The following GPC6 variants were observed in gnomAD, a reference collection of about 807,000 sequenced individuals.
GPC6 encodes glypican-6.
Under a neutral mutation model 55.2 loss-of-function variants are expected in GPC6, and 14 were observed. The ratio of observed to expected loss-of-function variants is 0.25; its 90% CI spans 0.17 to 0.40. The LOEUF is 0.40. GPC6 is among the 10% of genes least tolerant of loss of function. The probability of loss-of-function intolerance (pLI) is 1.00; values close to 1 mark genes in which losing one functional copy is unlikely to be tolerated. For synonymous variants in GPC6, 278 were observed against 259.6 expected, an observed-to-expected ratio of 1.07 and a Z score of -0.68; for missense variants, 641 against 708.5, an observed-to-expected ratio of 0.90 and a Z score of 1.08.
chr13:93,969,682 A>G (rs975072124), intron 3 of GPC6, among the ~76,000 whole-genome samples: 2 of 152,260 alleles, frequency 1.3e-5, no homozygotes, highest in Admixed American at 6.5e-5. Context: ...TTCAATGGTC[A>G]TAAATACATT....
chr13:93,560,769 A>G (rs1185520596), intron 2 of GPC6, among the ~76,000 whole-genome samples: 2 of 147,720 alleles, frequency 1.4e-5, no homozygotes, highest in African/African-American at 2.5e-5. Context: ...CCGCCTCCAA[A>G]AAAAAAAAAA....
rs575888250 is a variant in GPC6 at position 93,751,084 on chromosome 13, A to G, written c.320-79070A>G. Among the ~76,000 whole-genome samples the G allele has an allele frequency of 3.9e-5, 6 of 152,306 alleles. No homozygotes were observed. The South Asian group carries it at 1.0e-3, about 26-fold the overall frequency. On this transcript the variant is annotated intron_variant, in intron 2 of 8. Coordinates refer to ENST00000377047, the MANE Select transcript of GPC6 (RefSeq NM_005708.5). ...TTGGATCCTCATCTGTAGAGTGAGGAGTACAGAGTTGGCTACTTTGCAAGA... is the reference window on the plus strand; with the variant it reads ...TTGGATCCTCATCTGTAGAGTGAGGGGTACAGAGTTGGCTACTTTGCAAGA...
intron 4 of GPC6, among the ~76,000 whole-genome samples, chr13:94,222,535 T>C (rs936181400): frequency 2.0e-5 from 3 of 152,052 alleles, no homozygotes; most frequent in African/African-American, 7.2e-5. Flanking sequence ...CTTACCTGCA[T>C]TGATGACTCA....
intron 2 of GPC6, among the ~76,000 whole-genome samples, chr13:93,549,272 AG>A (rs1376349746): frequency 6.6e-6 from 1 of 152,160 alleles, no homozygotes; most frequent in Non-Finnish European, 1.5e-5. Flanking sequence ...AACGTAGACA[AG>A]GGGAGAGTCA....
At chr13:93,744,599 T>C (rs546977377) in intron 2 of GPC6, among the ~76,000 whole-genome samples, 3 of 133,262 alleles carry the variant, frequency 2.3e-5, no homozygotes, top group Admixed American at 8.8e-5. Context: ...AAAAATAGGG[T>C]GTTGTCACCT....
intron 4 of GPC6, among the ~76,000 whole-genome samples, chr13:94,035,879 G>C (rs2138732207): frequency 6.6e-6 from 1 of 152,044 alleles, no homozygotes; most frequent in South Asian, 2.1e-4. Flanking sequence ...TGCTAATCAT[G>C]TCTTTATATT....
intron 2 of GPC6, among the ~76,000 whole-genome samples, chr13:93,749,128 TC>T (rs1884496174): frequency 6.6e-6 from 1 of 152,028 alleles, no homozygotes; most frequent in African/African-American, 2.4e-5. Context: ...ACACATTGGA[TC>T]CCATTTTCCA....
intron 3 of GPC6, among the ~76,000 whole-genome samples, chr13:93,990,722 A>C (rs1169591481): frequency 2.0e-5 from 3 of 151,304 alleles, no homozygotes; most frequent in African/African-American, 7.3e-5. Flanking sequence ...TTAATTAGCC[A>C]AGCATGATGG....
chr13:94,057,506 A>T (rs1307925333), intron 4 of GPC6, among the ~76,000 whole-genome samples: 1 of 152,162 alleles, frequency 6.6e-6, no homozygotes, highest in Non-Finnish European at 1.5e-5. Flanking sequence ...TAAGTAGCAT[A>T]AGGTGAAAGA....
chr13:93,930,593 C>T (rs879579668), intron 3 of GPC6, among the ~76,000 whole-genome samples: 2 of 152,004 alleles, frequency 1.3e-5, no homozygotes, highest in East Asian at 1.9e-4. Flanking sequence ...TTTTACAATA[C>T]AGTACAATAT....
chr13:93,246,396 T>C (rs941859160), intron 1 of GPC6, among the ~76,000 whole-genome samples: 10 of 123,346 alleles, frequency 8.1e-5, no homozygotes, highest in Non-Finnish European at 1.5e-4. Flanking sequence ...TCCACAGAAT[T>C]TGAAGGAACT....
intron 6 of GPC6, among the ~76,000 whole-genome samples, chr13:94,378,534 T>G (rs1880007885): frequency 6.6e-6 from 1 of 152,168 alleles, no homozygotes; most frequent in Non-Finnish European, 1.5e-5. Context: ...TAGAGTCAAG[T>G]GTTCATGGTC....
intron 1 of GPC6, among the ~76,000 whole-genome samples, chr13:93,496,067 T>G (rs1001058619): frequency 5.9e-5 from 9 of 152,084 alleles, no homozygotes; most frequent in Admixed American, 2.0e-4. Context: ...TGGAGCTTCC[T>G]GGCTGCTTTG....
At chr13:94,003,076 T>C (rs1881874328) in intron 3 of GPC6, among the ~76,000 whole-genome samples, 4 of 152,038 alleles carry the variant, frequency 2.6e-5, no homozygotes, top group Admixed American at 2.0e-4. Context: ...TGAATGAAAA[T>C]AGTCTGAAGG....
intron 4 of GPC6, among the ~76,000 whole-genome samples, chr13:94,123,680 T>C (rs951636423): frequency 6.6e-6 from 1 of 151,994 alleles, no homozygotes; most frequent in Non-Finnish European, 1.5e-5. Context: ...TGTGTTTGTA[T>C]GCATGCACGC....
chr13:94,147,490 GT>G (rs1887604727), intron 4 of GPC6, among the ~76,000 whole-genome samples: 1 of 152,146 alleles, frequency 6.6e-6, no homozygotes, highest in South Asian at 2.1e-4. Context: ...AGTATGAGTT[GT>G]AGCATTGTTT....
intron 4 of GPC6, among the ~76,000 whole-genome samples, chr13:94,206,654 G>C (rs1008249894): frequency 6.6e-6 from 1 of 151,998 alleles, no homozygotes; most frequent in Non-Finnish European, 1.5e-5. Flanking sequence ...AGGAGTTTGA[G>C]ACCAGCCTGG....
intron 4 of GPC6, among the ~76,000 whole-genome samples, chr13:94,071,647 C>T (rs917696156): frequency 1.3e-5 from 2 of 152,134 alleles, no homozygotes; most frequent in African/African-American, 4.8e-5. Context: ...ACAGTAATGC[C>T]TTTCCTTAGT....
intron 3 of GPC6, among the ~76,000 whole-genome samples, chr13:93,890,971 G>A (rs1458294208): frequency 1.3e-5 from 2 of 151,950 alleles, no homozygotes; most frequent in African/African-American, 4.8e-5. Flanking sequence ...ATTTAACCCT[G>A]TAACACTAGC....
Sources: allele counts gnomAD v4.1 joint callset (sites outside exome capture counted in the v4.1 genomes callset), GRCh38; gene constraint gnomAD v4.1.1; transcripts MANE v1.5; gene names NCBI Gene and HGNC (gene_info 2026-07-23, HGNC 2026-07-21).